MTAP: variants seen among roughly 807,000 people sequenced by gnomAD.
The protein encoded by MTAP is methylthioadenosine phosphorylase.
Under a neutral mutation model 33.6 loss-of-function variants are expected in MTAP, and 33 were observed. The ratio of observed to expected loss-of-function variants is 0.98; its 90% CI spans 0.74 to 1.31. MTAP has a LOEUF of 1.31. Among genes scored for constraint, MTAP ranks in the 40% most tolerant of loss-of-function variants. MTAP has a pLI of 0.00. For synonymous variants in MTAP, 148 were observed against 125.7 expected, an observed-to-expected ratio of 1.18 and a Z score of -1.19; for missense variants, 367 against 360.0, an observed-to-expected ratio of 1.02 and a Z score of -0.16.
At position 21,865,647 on chromosome 9, in the gene MTAP, C is replaced by G; in HGVS notation, c.*3633C>G. On this transcript the variant is annotated 3_prime_UTR_variant, in exon 8 of 8. Transcript: ENST00000644715. ...AGACCATGGAAGAAAAGAAGGAATG[C>G]CAAAGATCGAGGAAATCTACCAAGA... The G allele has an allele frequency of 2.0e-6, 2 of 995,044 alleles. No individual in the cohort carries two copies. The highest frequency in any genetic ancestry group is 2.4e-6 in the Non-Finnish European group (2 of 834,800). The allele number at this position is 995,044 out of a possible 1,614,324, so 61.6% of individuals were successfully genotyped here.
chr9:21,838,856 A>T (rs1825174027), intron 5 of MTAP, among the ~76,000 whole-genome samples: 1 of 152,276 alleles, frequency 6.6e-6, no homozygotes, highest in African/African-American at 2.4e-5. Context: ...TAACTGCTTC[A>T]TAAAATCTCC....
chr9:21,827,591 A>G (rs1450310025), intron 4 of MTAP, among the ~76,000 whole-genome samples: 4 of 152,198 alleles, frequency 2.6e-5, no homozygotes, highest in African/African-American at 4.8e-5. Context: ...CTTATAATGT[A>G]TTTATACCTG....
chr9:21,880,946 G>T (rs955469083), intron 1 of MTAP, among the ~76,000 whole-genome samples: 1 of 151,792 alleles, frequency 6.6e-6, no homozygotes, highest in African/African-American at 2.4e-5. Flanking sequence ...GGACCCCCCA[G>T]TAGCCAAAAC....
At position 21,819,289 on chromosome 9, in the gene MTAP, A is replaced by C. The variant is rs546594893; in HGVS notation, c.347+1087A>C. Among the ~76,000 whole-genome samples the C allele has an allele frequency of 6.0e-5, 9 of 149,352 alleles. No homozygotes were observed. In the South Asian group the frequency reaches 6.4e-4, roughly 11 times the overall value. ...ATATCTCCTGATGCTTTCCCTCCCC[A>C]CTCCCCCAACCCCACAAGAGGCCCT... On this transcript the variant is annotated intron_variant, in intron 4 of 7. Transcript: ENST00000644715.
At chr9:21,916,153 A>T (rs1014704560) in intron 1 of MTAP, among the ~76,000 whole-genome samples, 2 of 151,726 alleles carry the variant, frequency 1.3e-5, no homozygotes, top group South Asian at 4.2e-4. Context: ...ACCTAGTTAA[A>T]AGTTTGTACT....
chr9:21,809,335 G>A (rs1162257851), intron 1 of MTAP, among the ~76,000 whole-genome samples: 1 of 152,030 alleles, frequency 6.6e-6, no homozygotes, highest in Non-Finnish European at 1.5e-5. Context: ...CTCAGCCCAC[G>A]TTTTAAAAAT....
intron 4 of MTAP, among the ~76,000 whole-genome samples, chr9:21,835,569 AC>A (rs1353920872): frequency 2.6e-5 from 4 of 152,132 alleles, no homozygotes; most frequent in Non-Finnish European, 5.9e-5. Flanking sequence ...AACAGTCCCC[AC>A]TTTGTGGGGT....
intron 1 of MTAP, among the ~76,000 whole-genome samples, chr9:21,810,488 G>C (rs868498713): frequency 2.0e-5 from 3 of 152,164 alleles, no homozygotes; most frequent in African/African-American, 4.8e-5. Context: ...CCAACCCAAT[G>C]AGAGCAAGAA....
chr9:21,811,660 C>T (rs1477524739), intron 1 of MTAP: 19 of 526,446 alleles, frequency 3.6e-5, no homozygotes, highest in Non-Finnish European at 7.0e-5. Context: ...ACTCTTCCTC[C>T]TCAGCCGTGG....
intron 1 of MTAP, among the ~76,000 whole-genome samples, chr9:21,804,262 G>A (rs1563826456): frequency 6.6e-6 from 1 of 152,186 alleles, no homozygotes; most frequent in Non-Finnish European, 1.5e-5. Flanking sequence ...AAGTTATTGT[G>A]TTAGGTATCA....
chr9:21,827,089 G>C (rs1262065758), intron 4 of MTAP, among the ~76,000 whole-genome samples: 1 of 152,206 alleles, frequency 6.6e-6, no homozygotes, highest in African/African-American at 2.4e-5. Flanking sequence ...GTGCCAAAAA[G>C]ATTAGGGGCA....
At chr9:21,884,582 G>C (rs1818077697) in intron 1 of MTAP, among the ~76,000 whole-genome samples, 1 of 152,138 alleles carries the variant, frequency 6.6e-6, no homozygotes, top group Admixed American at 6.5e-5. Context: ...ATAAAGTATT[G>C]GCAGATGTGG....
intron 1 of MTAP, among the ~76,000 whole-genome samples, chr9:21,872,717 A>G (rs1022404544): frequency 2.0e-5 from 3 of 152,250 alleles, no homozygotes; most frequent in Non-Finnish European, 2.9e-5. Context: ...TGTGAGGTGT[A>G]GAGCAAGCAT....
intron 5 of MTAP, among the ~76,000 whole-genome samples, chr9:21,838,843 G>C (rs1249784653): frequency 6.6e-6 from 1 of 152,210 alleles, no homozygotes; most frequent in Non-Finnish European, 1.5e-5. Context: ...TATCGTTAGA[G>C]ATTAACTGCT....
intron 1 of MTAP, among the ~76,000 whole-genome samples, chr9:21,903,781 C>T (rs1035731253): frequency 6.6e-6 from 1 of 152,126 alleles, no homozygotes; most frequent in Non-Finnish European, 1.5e-5. Context: ...GGTTGCGGAG[C>T]TCCGACCCCA....
intron 1 of MTAP, among the ~76,000 whole-genome samples, chr9:21,813,587 G>A (rs1034709924): frequency 6.6e-6 from 1 of 152,202 alleles, no homozygotes; most frequent in Non-Finnish European, 1.5e-5. Context: ...AGCCCAACTC[G>A]ATTTGTGTAT....
intron 5 of MTAP, among the ~76,000 whole-genome samples, chr9:21,843,296 A>G (rs941641995): frequency 8.5e-5 from 13 of 152,150 alleles, no homozygotes; most frequent in Non-Finnish European, 1.5e-4. Flanking sequence ...AATGACATAG[A>G]TGGTAACACA....
At position 21,863,394 on chromosome 9, in the gene MTAP, T is replaced by A. The variant is rs908357426; in HGVS notation, c.*1380T>A. 2 of 815,118 alleles carry A rather than the reference T, an allele frequency of 2.5e-6. No homozygotes were observed. The highest frequency in any genetic ancestry group is 3.7e-5 in the African/African-American group (2 of 53,706). 50.5% of individuals were successfully genotyped at this position (815,118 alleles called of 1,614,324 possible). ...AGGCCGAGACGGGTGGATCACAAGG[T>A]CAGGAGATCGAGACCATCCTGGCTA... is the stretch of plus-strand genomic sequence containing the variant. On this transcript the variant is annotated 3_prime_UTR_variant, in exon 8 of 8. Coordinates refer to ENST00000644715, the MANE Select transcript of MTAP (RefSeq NM_002451.4).
intron 1 of MTAP, among the ~76,000 whole-genome samples, chr9:21,900,510 A>G (rs1446769598): frequency 6.6e-6 from 1 of 152,218 alleles, no homozygotes; most frequent in East Asian, 1.9e-4. Flanking sequence ...AAAAAGCCAA[A>G]AATATCAGAA....
Sources: allele counts gnomAD v4.1 joint callset (sites outside exome capture counted in the v4.1 genomes callset), GRCh38; gene constraint gnomAD v4.1.1; transcripts MANE v1.5; gene names NCBI Gene and HGNC (gene_info 2026-07-23, HGNC 2026-07-21).